The following AUTS2 variants were observed in gnomAD, a reference collection of about 807,000 sequenced individuals.
AUTS2 encodes the protein activator of transcription and developmental regulator AUTS2.
A neutral mutation model predicts 112.4 loss-of-function variants in AUTS2; 17 were observed. The ratio of observed to expected loss-of-function variants is 0.15; its 90% CI spans 0.10 to 0.23. The LOEUF (loss-of-function observed/expected upper bound fraction) is 0.23. Among genes scored for constraint, AUTS2 ranks in the 10% least tolerant of loss-of-function variants. The probability of loss-of-function intolerance (pLI) is 1.00; values close to 1 mark genes in which losing one functional copy is unlikely to be tolerated. For missense variants in AUTS2, 1,510 were observed against 1,701.6 expected (o/e 0.89, Z 1.98); for synonymous variants, 751 against 702.7 (o/e 1.07, Z -1.09).
chr7:70,133,515 G>A (rs1258685638), intron 3 of AUTS2, among the ~76,000 whole-genome samples: 1 of 152,168 alleles, frequency 6.6e-6, no homozygotes, highest in Non-Finnish European at 1.5e-5. Flanking sequence ...AGAAGAGCTA[G>A]CAGTGAACAG....
chr7:69,637,016 C>T (rs904783564), intron 1 of AUTS2, among the ~76,000 whole-genome samples: 9 of 152,050 alleles, frequency 5.9e-5, no homozygotes, highest in East Asian at 3.9e-4. Context: ...CCACCTGCCT[C>T]GGCCTCCCAA....
At chr7:70,497,802 A>T (rs1313724627) in intron 5 of AUTS2, among the ~76,000 whole-genome samples, 2 of 152,176 alleles carry the variant, frequency 1.3e-5, no homozygotes, top group African/African-American at 2.4e-5. Flanking sequence ...CTGAGAAAGC[A>T]CAGGGCCTGC....
intron 2 of AUTS2, among the ~76,000 whole-genome samples, chr7:70,085,366 A>C (rs1584697221): frequency 6.7e-6 from 1 of 148,708 alleles, no homozygotes; most frequent in East Asian, 2.0e-4. Flanking sequence ...TTATTTTTGC[A>C]TACTTTTTTT....
At chr7:69,656,126 A>G (rs1334810374) in intron 1 of AUTS2, among the ~76,000 whole-genome samples, 1 of 152,178 alleles carries the variant, frequency 6.6e-6, no homozygotes, top group African/African-American at 2.4e-5. Context: ...ATCTTGGCAG[A>G]TGGGATTATT....
At chr7:70,367,963 G>C (rs1027282040) in intron 4 of AUTS2, among the ~76,000 whole-genome samples, 2 of 152,200 alleles carry the variant, frequency 1.3e-5, no homozygotes, top group African/African-American at 2.4e-5. Context: ...AGGGTGATGA[G>C]AAATGGAGAA....
chr7:69,864,813 A>C (rs1397756668), intron 1 of AUTS2, among the ~76,000 whole-genome samples: 1 of 152,212 alleles, frequency 6.6e-6, no homozygotes, highest in African/African-American at 2.4e-5. Flanking sequence ...ATCTATCCAA[A>C]TAGATGGGAG....
chr7:69,987,162 G>C (rs549991415), intron 2 of AUTS2, among the ~76,000 whole-genome samples: 45 of 152,206 alleles, frequency 3.0e-4, no homozygotes, highest in Non-Finnish European at 5.9e-4. Flanking sequence ...ATTTATAAAG[G>C]AGTGATTTGC....
intron 2 of AUTS2, among the ~76,000 whole-genome samples, chr7:70,064,798 C>T (rs1279881854): frequency 6.6e-6 from 1 of 152,136 alleles, no homozygotes; most frequent in African/African-American, 2.4e-5. Context: ...TAATGTATGG[C>T]ACTATTAGAC....
intron 1 of AUTS2, among the ~76,000 whole-genome samples, chr7:69,859,902 G>C (rs752131738): frequency 1.8e-4 from 28 of 152,064 alleles, no homozygotes; most frequent in Admixed American, 7.9e-4. Context: ...ATCCAGAGTA[G>C]GACTCTCAAA....
At chr7:70,106,507 C>T (rs1215802665) in intron 2 of AUTS2, among the ~76,000 whole-genome samples, 2 of 152,076 alleles carry the variant, frequency 1.3e-5, no homozygotes, top group Non-Finnish European at 2.9e-5. Context: ...ATCATTTGAG[C>T]CCAGGAATTC....
intron 4 of AUTS2, among the ~76,000 whole-genome samples, chr7:70,197,328 T>C (rs929247757): frequency 9.2e-5 from 14 of 151,818 alleles, no homozygotes; most frequent in Non-Finnish European, 1.9e-4. Context: ...AGTTTACGGA[T>C]GGAGGAGGAG....
intron 4 of AUTS2, among the ~76,000 whole-genome samples, chr7:70,160,330 T>C (rs1313015355): frequency 1.3e-5 from 2 of 152,186 alleles, no homozygotes; most frequent in Admixed American, 1.3e-4. Context: ...CTTCTTGCTT[T>C]AGTGAATGAT....
rs531643197 is a variant in AUTS2, at chr7:70,351,301, G to A, written c.661-84451G>A. Among the ~76,000 whole-genome samples the A allele has an allele frequency of 7.2e-5, 11 of 152,108 alleles. No individual in the cohort carries two copies. In the South Asian group the frequency reaches 8.3e-4, roughly 11 times the overall value. On this transcript the variant is annotated intron_variant, in intron 4 of 18. Coordinates refer to ENST00000342771, the MANE Select transcript of AUTS2 (RefSeq NM_015570.4). The stretch of plus-strand genomic sequence containing the variant: ...ACTCCTGACCTCTGGCGATCCACCC[G>A]CCTCAGCCTCCCAAAGTGTCTGGAT...
At chr7:70,354,346 C>T (rs1240455194) in intron 4 of AUTS2, among the ~76,000 whole-genome samples, 1 of 152,200 alleles carries the variant, frequency 6.6e-6, no homozygotes, top group Non-Finnish European at 1.5e-5. Flanking sequence ...TTTCGTAAAA[C>T]ATGTCTTGGT....
chr7:69,606,102 G>T (rs1324666689), intron 1 of AUTS2, among the ~76,000 whole-genome samples: 1 of 152,032 alleles, frequency 6.6e-6, no homozygotes, highest in African/African-American at 2.4e-5. Flanking sequence ...GAATTATGAG[G>T]TTAGGAATTG....
At chr7:70,612,373 GTGGT>G (rs1804139250) in intron 5 of AUTS2, among the ~76,000 whole-genome samples, 1 of 152,200 alleles carries the variant, frequency 6.6e-6, no homozygotes, top group Admixed American at 6.5e-5. Context: ...ATCGTCAGCT[GTGGT>G]TGCTCAAACC....
intron 14 of AUTS2, 174 bp from the exon 15 acceptor site, chr7:70,781,441 C>A: frequency 1.5e-6 from 1 of 658,620 alleles, no homozygotes; most frequent in Non-Finnish European, 2.4e-6. Context: ...GCACTACCGG[C>A]CTGCAGATCT....
intron 4 of AUTS2, among the ~76,000 whole-genome samples, chr7:70,250,473 G>A (rs1786534164): frequency 6.6e-6 from 1 of 152,144 alleles, no homozygotes; most frequent in Admixed American, 6.5e-5. Context: ...TCTGATACAG[G>A]GGATTAGGGT....
At chr7:69,975,970 G>A (rs1798043533) in intron 2 of AUTS2, among the ~76,000 whole-genome samples, 1 of 151,940 alleles carries the variant, frequency 6.6e-6, no homozygotes, top group Non-Finnish European at 1.5e-5. Context: ...GAACCATCTC[G>A]CCCAGCTGAT....
Sources: allele counts gnomAD v4.1 joint callset (sites outside exome capture counted in the v4.1 genomes callset), GRCh38; gene constraint gnomAD v4.1.1; transcripts MANE v1.5; gene names NCBI Gene and HGNC (gene_info 2026-07-23, HGNC 2026-07-21).